Variants in SLC9A9 observed in about 807,000 individuals in gnomAD.
The protein encoded by SLC9A9 is solute carrier family 9 member A9, also known as sodium/hydrogen exchanger 9.
Under a neutral mutation model 77.8 loss-of-function variants are expected in SLC9A9, and 62 were observed. The ratio of observed to expected loss-of-function variants is 0.80; its 90% CI spans 0.65 to 0.98. The LOEUF (loss-of-function observed/expected upper bound fraction) is 0.98. Ranked by LOEUF, SLC9A9 falls within the 50% of genes least tolerant of loss-of-function variation. SLC9A9 has a pLI of 0.00. For missense variants in SLC9A9, 775 were observed against 774.9 expected (o/e 1.00, Z 0.00); for synonymous variants, 320 against 283.5 (o/e 1.13, Z -1.29).
chr3:143,805,291 A>C (rs1376042331), intron 2 of SLC9A9, among the ~76,000 whole-genome samples: 1 of 151,882 alleles, frequency 6.6e-6, no homozygotes, highest in Non-Finnish European at 1.5e-5. Context: ...ACCCCTTACC[A>C]CAAAATCCTC....
At chr3:143,315,363 G>C (rs754037996) in intron 14 of SLC9A9, among the ~76,000 whole-genome samples, 2 of 152,172 alleles carry the variant, frequency 1.3e-5, no homozygotes, top group Non-Finnish European at 2.9e-5. Flanking sequence ...GGTGGTGAGG[G>C]CTCTAACGGC....
chr3:143,662,496 G>A (rs555639724), intron 5 of SLC9A9, among the ~76,000 whole-genome samples: 25 of 152,286 alleles, frequency 1.6e-4, no homozygotes, highest in South Asian at 2.1e-4. Flanking sequence ...GAAGCAGGGC[G>A]GGGCATCACC....
At chr3:143,558,535 G>A (rs1011391330) in intron 8 of SLC9A9, among the ~76,000 whole-genome samples, 1 of 152,214 alleles carries the variant, frequency 6.6e-6, no homozygotes, top group African/African-American at 2.4e-5. Flanking sequence ...ACATGGATGT[G>A]AAATGTGGAG....
At chr3:143,337,505 T>G (rs369260820) in intron 14 of SLC9A9, among the ~76,000 whole-genome samples, 69 of 152,328 alleles carry the variant, frequency 4.5e-4, no homozygotes, top group African/African-American at 1.5e-3. Context: ...AGGCTCTACT[T>G]GAATCTGGCA....
At chr3:143,431,299 C>A (rs1559912863) in intron 12 of SLC9A9, among the ~76,000 whole-genome samples, 1 of 152,164 alleles carries the variant, frequency 6.6e-6, no homozygotes, top group Non-Finnish European at 1.5e-5. Flanking sequence ...GCCACTATAG[C>A]ACATAGAACC....
At chr3:143,585,344 T>G (rs2037523870) in intron 6 of SLC9A9, among the ~76,000 whole-genome samples, 1 of 152,148 alleles carries the variant, frequency 6.6e-6, no homozygotes, top group South Asian at 2.1e-4. Context: ...AAATACAGAT[T>G]TCACTGAGCC....
At chr3:143,631,951 G>A (rs1046444523) in intron 6 of SLC9A9, among the ~76,000 whole-genome samples, 1 of 152,138 alleles carries the variant, frequency 6.6e-6, no homozygotes, top group African/African-American at 2.4e-5. Flanking sequence ...GTGACTTGAA[G>A]ATATAGAGAA....
chr3:143,298,202 T>A (rs2030362508), intron 14 of SLC9A9, among the ~76,000 whole-genome samples: 2 of 152,358 alleles, frequency 1.3e-5, no homozygotes, highest in Non-Finnish European at 1.5e-5. Flanking sequence ...AGCCACTGTG[T>A]ATCCATTCCG....
At chr3:143,444,865 G>T (rs1287193824) in intron 12 of SLC9A9, among the ~76,000 whole-genome samples, 1 of 152,234 alleles carries the variant, frequency 6.6e-6, no homozygotes, top group Non-Finnish European at 1.5e-5. Flanking sequence ...TTTGGCTGTG[G>T]TGGATGTTGG....
At chr3:143,390,437 G>C (rs983442368) in intron 12 of SLC9A9, among the ~76,000 whole-genome samples, 1 of 152,196 alleles carries the variant, frequency 6.6e-6, no homozygotes, top group Admixed American at 6.5e-5. Flanking sequence ...ATATGTCATA[G>C]GCTGTTGTGG....
intron 5 of SLC9A9, among the ~76,000 whole-genome samples, chr3:143,675,014 G>A (rs181798630): frequency 2.6e-5 from 4 of 152,168 alleles, no homozygotes; most frequent in Admixed American, 1.3e-4. Flanking sequence ...CTGGACCTAC[G>A]GAATCAGAAT....
chr3:143,388,675 A>G (rs2033483894), intron 12 of SLC9A9, among the ~76,000 whole-genome samples: 1 of 152,236 alleles, frequency 6.6e-6, no homozygotes. Context: ...AGTCATAGAT[A>G]CAATATAGGT....
In SLC9A9 at chr3:143,469,466, A is replaced by C. The variant is rs113753006; in HGVS notation, c.1316-2276T>G. Among the ~76,000 whole-genome samples the C allele has an allele frequency of 7.8e-3, 1,184 of 152,348 alleles. 8 individuals carry two copies. Among genetic ancestry groups the C allele is most frequent in the Non-Finnish European group, 0.013 (892 of 68,030 alleles). Reference sequence around the variant, plus strand: ...CATACATATAAAATCTCAATGATCCACTTTTTATAATATTTATTATAGCAT... The same window carrying C: ...CATACATATAAAATCTCAATGATCCCCTTTTTATAATATTTATTATAGCAT... On this transcript the variant is annotated intron_variant, in intron 11 of 15. Transcript: ENST00000316549.
intron 9 of SLC9A9, among the ~76,000 whole-genome samples, chr3:143,528,479 G>A (rs2036445178): frequency 6.6e-6 from 1 of 152,140 alleles, no homozygotes; most frequent in African/African-American, 2.4e-5. Context: ...ATAAGTGGGT[G>A]ATCAACAAAT....
At chr3:143,511,459 T>G (rs1029073493) in intron 9 of SLC9A9, among the ~76,000 whole-genome samples, 2 of 152,182 alleles carry the variant, frequency 1.3e-5, no homozygotes, top group African/African-American at 4.8e-5. Context: ...TCAGCACTGA[T>G]TTTTGTATTC....
intron 9 of SLC9A9, among the ~76,000 whole-genome samples, chr3:143,551,208 G>T (rs936720830): frequency 6.6e-6 from 1 of 152,122 alleles, no homozygotes; most frequent in South Asian, 2.1e-4. Context: ...GAGAGAGAGA[G>T]ATAGAACAGA....
chr3:143,394,123 C>T (rs2033639271), intron 12 of SLC9A9, among the ~76,000 whole-genome samples: 1 of 152,112 alleles, frequency 6.6e-6, no homozygotes, highest in Non-Finnish European at 1.5e-5. Context: ...CATCCTGATA[C>T]CAAAACCTGG....
chr3:143,714,530 C>T (rs1472035265), intron 4 of SLC9A9, among the ~76,000 whole-genome samples: 3 of 152,224 alleles, frequency 2.0e-5, no homozygotes, highest in Non-Finnish European at 4.4e-5. Flanking sequence ...ATCTCACTTC[C>T]CACCAATGTG....
chr3:143,368,717 T>C (rs531115407), intron 13 of SLC9A9, among the ~76,000 whole-genome samples: 1 of 152,212 alleles, frequency 6.6e-6, no homozygotes, highest in Non-Finnish European at 1.5e-5. Context: ...ACGTTTGCCC[T>C]ACTGTCTCCT....
Sources: allele counts gnomAD v4.1 joint callset (sites outside exome capture counted in the v4.1 genomes callset), GRCh38; gene constraint gnomAD v4.1.1; transcripts MANE v1.5; gene names NCBI Gene and HGNC (gene_info 2026-07-23, HGNC 2026-07-21).